NDST4: variants seen among roughly 807,000 people sequenced by gnomAD.
NDST4 encodes N-heparan sulfate sulfotransferase 4.
Under a neutral mutation model 100.8 loss-of-function variants are expected in NDST4, and 63 were observed. The observed-to-expected ratio is 0.62, with a 90% confidence interval of 0.51 to 0.77. NDST4 has a LOEUF of 0.77. Ranked by LOEUF, NDST4 falls within the 30% of genes least tolerant of loss-of-function variation. The pLI, the probability that NDST4 is intolerant of heterozygous loss-of-function variation, is 0.00. For missense variants in NDST4, 943 were observed against 1,018.4 expected (o/e 0.93, Z 1.01); for synonymous variants, 377 against 361.8 (o/e 1.04, Z -0.48).
At chr4:114,843,296 C>G (rs1427172090) in intron 10 of NDST4, among the ~76,000 whole-genome samples, 4 of 152,144 alleles carry the variant, frequency 2.6e-5, no homozygotes, top group South Asian at 2.1e-4. Flanking sequence ...TGCCCCTGGT[C>G]CCACCATCTA....
intron 8 of NDST4, among the ~76,000 whole-genome samples, chr4:114,850,214 T>C (rs1220448764): frequency 6.6e-6 from 1 of 152,194 alleles, no homozygotes; most frequent in Admixed American, 6.5e-5. Context: ...TTGTTGATTA[T>C]CTAAATATAG....
intron 3 of NDST4, among the ~76,000 whole-genome samples, chr4:114,976,971 G>A (rs1321494696): frequency 6.6e-6 from 1 of 151,746 alleles, no homozygotes; most frequent in African/African-American, 2.4e-5. Context: ...TAAAAAATGA[G>A]TTGAAAAAGT....
At chr4:114,871,028 C>T in intron 6 of NDST4, 78 bp from the exon 7 acceptor site, 1 of 936,202 alleles carries the variant, frequency 1.1e-6, no homozygotes, top group South Asian at 2.4e-5. Flanking sequence ...CCAGGCAGCA[C>T]CTCACCTCAC....
chr4:115,112,587 T>TA (rs948547609), intron 1 of NDST4, among the ~76,000 whole-genome samples: 2 of 151,876 alleles, frequency 1.3e-5, no homozygotes, highest in African/African-American at 2.4e-5. Context: ...TATAATCACT[T>TA]AAAAAAACTA....
chr4:115,072,587 A>C (rs912937877), intron 2 of NDST4, among the ~76,000 whole-genome samples: 1 of 152,018 alleles, frequency 6.6e-6, no homozygotes, highest in Non-Finnish European at 1.5e-5. Flanking sequence ...GACAATGGGG[A>C]AAGGGCAGTC....
At chr4:114,856,040 G>A (rs1361674895) in intron 7 of NDST4, among the ~76,000 whole-genome samples, 1 of 151,644 alleles carries the variant, frequency 6.6e-6, no homozygotes, top group Admixed American at 6.6e-5. Flanking sequence ...AGAGAGTTGA[G>A]ATAAGCCCCT....
intron 2 of NDST4, among the ~76,000 whole-genome samples, chr4:115,071,674 T>C (rs543929354): frequency 2.5e-4 from 38 of 152,150 alleles, no homozygotes; most frequent in African/African-American, 8.9e-4. Flanking sequence ...TGTTCTAGAA[T>C]TGGGGTAGAG....
intron 2 of NDST4, among the ~76,000 whole-genome samples, chr4:115,075,631 A>T (rs912030047): frequency 3.9e-5 from 6 of 152,000 alleles, no homozygotes; most frequent in African/African-American, 1.4e-4. Context: ...CTTAAAATAC[A>T]AAAATTAGCC....
intron 3 of NDST4, among the ~76,000 whole-genome samples, chr4:114,972,160 T>C (rs528277921): frequency 6.6e-6 from 1 of 152,194 alleles, no homozygotes; most frequent in African/African-American, 2.4e-5. Flanking sequence ...CTTTACCTTG[T>C]ACTGTAACAC....
At chr4:115,059,325 A>T (rs1389872061) in intron 2 of NDST4, among the ~76,000 whole-genome samples, 1 of 152,088 alleles carries the variant, frequency 6.6e-6, no homozygotes, top group African/African-American at 2.4e-5. Flanking sequence ...CTCATTGCTT[A>T]CAGAACCCCA....
intron 4 of NDST4, chr4:114,955,754 A>G (rs905723422): frequency 6.6e-6 from 1 of 152,220 alleles, no homozygotes; most frequent in Non-Finnish European, 1.5e-5. Context: ...CCATTTATTC[A>G]AGAAAATCTA....
chr4:115,077,126 TC>T lies in NDST4; in HGVS notation c.-91del. ...AGTATGAGATGTTGCAAATATCACT[TC>T]CCCAGAGTTCATGTAACCATCGCAA... is the stretch of plus-strand genomic sequence containing the variant. On this transcript the variant is annotated 5_prime_UTR_variant, in exon 2 of 14. An upstream open reading frame in the 5' UTR gains an earlier in-frame stop. Transcript: ENST00000264363. 2.5e-6 allele frequency: 3 copies of T among 1,201,946 alleles called. No individual in the cohort carries two copies. The highest frequency in any genetic ancestry group is 3.4e-6 in the Non-Finnish European group (3 of 875,930). 74.5% of individuals were successfully genotyped at this position (1,201,946 alleles called of 1,614,324 possible).
intron 1 of NDST4, among the ~76,000 whole-genome samples, chr4:115,102,732 G>C (rs1392259678): frequency 4.0e-5 from 2 of 49,944 alleles, no homozygotes. Flanking sequence ...TTTTGACATG[G>C]AGTTAGGCTC....
chr4:114,874,332 A>G (rs897002775), intron 6 of NDST4, among the ~76,000 whole-genome samples: 1 of 152,184 alleles, frequency 6.6e-6, no homozygotes, highest in Non-Finnish European at 1.5e-5. Context: ...TGATGGAAAA[A>G]AAAGCTTAAA....
chr4:114,836,368 T>C (rs569466393), intron 11 of NDST4, among the ~76,000 whole-genome samples: 1 of 152,352 alleles, frequency 6.6e-6, no homozygotes, highest in South Asian at 2.1e-4. Flanking sequence ...CTTTCGCTTA[T>C]GAAGCTTAGT....
intron 2 of NDST4, among the ~76,000 whole-genome samples, chr4:115,031,947 G>T (rs1048381817): frequency 1.3e-5 from 2 of 151,982 alleles, no homozygotes; most frequent in African/African-American, 4.8e-5. Flanking sequence ...GTGGCTAGAG[G>T]TTACTGAAGA....
chr4:114,904,873 T>C (rs1352592316), intron 6 of NDST4, among the ~76,000 whole-genome samples: 1 of 151,984 alleles, frequency 6.6e-6, no homozygotes, highest in Non-Finnish European at 1.5e-5. Context: ...TGTGACATTG[T>C]TATTCTTGCC....
intron 2 of NDST4, among the ~76,000 whole-genome samples, chr4:115,034,844 T>A (rs1362622629): frequency 6.6e-6 from 1 of 152,174 alleles, no homozygotes; most frequent in East Asian, 1.9e-4. Flanking sequence ...TAGGTGTCTT[T>A]ATTTCAAGGA....
intron 6 of NDST4, among the ~76,000 whole-genome samples, chr4:114,894,615 G>A (rs1025198658): frequency 6.6e-6 from 1 of 152,140 alleles, no homozygotes; most frequent in Non-Finnish European, 1.5e-5. Flanking sequence ...TGCTGAAGTT[G>A]CTTATCAGTT....
Sources: gnomAD v4.1 joint callset for allele counts (sites outside exome capture counted in the v4.1 genomes callset) on GRCh38, gnomAD v4.1.1 for gene constraint, MANE v1.5 for transcripts, NCBI Gene and HGNC (gene_info 2026-07-23, HGNC 2026-07-21) for gene names.